Variants in THADA observed in about 807,000 individuals in gnomAD.
The protein encoded by THADA is tRNA (32-2'-O)-methyltransferase regulator THADA.
In THADA, 213 loss-of-function variants were observed where a neutral mutation model predicts 219.8. The observed-to-expected ratio is 0.97, with a 90% CI of 0.87 to 1.09. THADA has a LOEUF of 1.09. Ranked by LOEUF, THADA falls within the 50% of genes least tolerant of loss-of-function variation. THADA has a pLI of 0.00. For missense variants in THADA, 2,956 were observed against 2,311.3 expected, an observed-to-expected ratio of 1.28 and a Z score of -5.72; for synonymous variants, 1,018 against 828.9, an observed-to-expected ratio of 1.23 and a Z score of -3.92.
At chr2:43,318,390 T>G (rs1678314718) in intron 31 of THADA, among the ~76,000 whole-genome samples, 1 of 152,188 alleles carries the variant, frequency 6.6e-6, no homozygotes, top group Admixed American at 6.5e-5. Flanking sequence ...TTAATTTTGA[T>G]AATACATTTT....
chr2:43,411,204 G>T (rs1336431635), intron 28 of THADA, among the ~76,000 whole-genome samples: 1 of 152,214 alleles, frequency 6.6e-6, no homozygotes, highest in Non-Finnish European at 1.5e-5. Context: ...GGCTCACAAA[G>T]GGAATGAATG....
chr2:43,398,285 G>GT, intron 28 of THADA, 146 bp from the exon 29 acceptor site: 1 of 758,110 alleles, frequency 1.3e-6, no homozygotes. Flanking sequence ...ATGATGTTTT[G>GT]TATCTGCACT....
intron 26 of THADA, among the ~76,000 whole-genome samples, chr2:43,435,466 A>AAGGAAGGG (rs1343357547): frequency 8.4e-4 from 120 of 143,100 alleles, no homozygotes; most frequent in Non-Finnish European, 1.5e-3. Flanking sequence ...GGAAGGGAGG[A>AAGGAAGGG]AGGAAGGGAG....
chr2:43,336,705 G>C (rs539224628), intron 30 of THADA, among the ~76,000 whole-genome samples: 1 of 152,136 alleles, frequency 6.6e-6, no homozygotes, highest in Non-Finnish European at 1.5e-5. Context: ...AACTCTGAGG[G>C]TAAGGCCTGG....
intron 29 of THADA, among the ~76,000 whole-genome samples, chr2:43,392,123 A>T (rs1032556703): frequency 1.3e-5 from 2 of 152,198 alleles, no homozygotes; most frequent in African/African-American, 2.4e-5. Context: ...CGCCAAATGG[A>T]ATCTATCAAG....
intron 20 of THADA, among the ~76,000 whole-genome samples, chr2:43,543,586 A>G (rs2103830079): frequency 6.6e-6 from 1 of 152,060 alleles, no homozygotes; most frequent in East Asian, 1.9e-4. Flanking sequence ...GTGAGATGGT[A>G]TCTCATTGTG....
At chr2:43,389,681 C>T (rs1238882510) in intron 29 of THADA, among the ~76,000 whole-genome samples, 1 of 152,168 alleles carries the variant, frequency 6.6e-6, no homozygotes, top group East Asian at 1.9e-4. Context: ...TTACTCACTG[C>T]CTCCTGCAAA....
At chr2:43,249,085 G>A (rs1669552635) in intron 36 of THADA, among the ~76,000 whole-genome samples, 1 of 151,884 alleles carries the variant, frequency 6.6e-6, no homozygotes, top group Non-Finnish European at 1.5e-5. Flanking sequence ...AACAATGGTA[G>A]CCTTCCTTTT....
chr2:43,586,435 G>T lies in THADA; in HGVS notation c.499C>A (p.Gln167Lys). The part of the protein sequence containing the change: ...NLLKNVLHFL[Q>K]KSLIEILEEN... The stretch of plus-strand genomic sequence containing the variant: ...TCCAGGATTTCAATTAAACTCTTCT[G>T]CAGAAAATGAAGCACTGAAACAAAA... The change falls in exon 7 of 38, where the codon CAG becomes AAG. Residue 167 changes from glutamine (Q) to lysine (K), a missense_variant. Physicochemically the swap from Gln to Lys is moderately conservative, Grantham distance 53. Coordinates refer to ENST00000405975, the MANE Select transcript of THADA (RefSeq NM_022065.5). 1 of 1,579,430 alleles carries T rather than the reference G, an allele frequency of 6.3e-7. No individual in the cohort carries two copies. Among genetic ancestry groups the T allele is most frequent in the Non-Finnish European group, 8.6e-7 (1 of 1,163,620 alleles).
chr2:43,469,985 C>A (rs981376497), intron 26 of THADA, among the ~76,000 whole-genome samples: 2 of 151,868 alleles, frequency 1.3e-5, no homozygotes, highest in African/African-American at 4.8e-5. Flanking sequence ...CTGAGGCAGG[C>A]AGATCACTTG....
intron 22 of THADA, among the ~76,000 whole-genome samples, chr2:43,519,819 A>C (rs2103674974): frequency 6.6e-6 from 1 of 152,364 alleles, no homozygotes; most frequent in Non-Finnish European, 1.5e-5. Context: ...AGGTATAAAA[A>C]GCAGGGAGCT....
chr2:43,255,518 T>C, intron 36 of THADA, among the ~76,000 whole-genome samples: 1 of 152,118 alleles, frequency 6.6e-6, no homozygotes, highest in East Asian at 1.9e-4. Context: ...GCTGTGAAGG[T>C]GAAGGATTAA....
At chr2:43,341,631 T>C (rs916421199) in intron 30 of THADA, among the ~76,000 whole-genome samples, 16 of 152,088 alleles carry the variant, frequency 1.1e-4, no homozygotes, top group African/African-American at 3.9e-4. Context: ...AGTAGCAAGC[T>C]AAGGGGGCAG....
At chr2:43,462,592 A>G (rs1683764230) in intron 26 of THADA, among the ~76,000 whole-genome samples, 2 of 152,232 alleles carry the variant, frequency 1.3e-5, no homozygotes, top group African/African-American at 4.8e-5. Context: ...TTAGGGCAAC[A>G]TTTAATTGAA....
chr2:43,446,847 G>C (rs1410955915), intron 26 of THADA, among the ~76,000 whole-genome samples: 2 of 152,152 alleles, frequency 1.3e-5, no homozygotes, highest in Non-Finnish European at 2.9e-5. Context: ...GAAGTCAGAA[G>C]TCTGAAATCA....
intron 28 of THADA, among the ~76,000 whole-genome samples, chr2:43,419,059 C>A (rs1370222730): frequency 6.6e-6 from 1 of 152,156 alleles, no homozygotes; most frequent in Non-Finnish European, 1.5e-5. Context: ...AAGGAGAGGA[C>A]TGTGGGTGGA....
chr2:43,276,099 T>G (rs958299618), intron 36 of THADA, among the ~76,000 whole-genome samples: 1 of 152,212 alleles, frequency 6.6e-6, no homozygotes, highest in Non-Finnish European at 1.5e-5. Flanking sequence ...AGGCAGAGCC[T>G]TGCCTGGAGT....
intron 29 of THADA, among the ~76,000 whole-genome samples, chr2:43,353,695 G>A (rs370855189): frequency 4.0e-5 from 6 of 151,858 alleles, no homozygotes; most frequent in East Asian, 3.8e-4. Context: ...TTGCTCTGTC[G>A]CCCATGCTGG....
chr2:43,586,925 T>C lies in THADA; in HGVS notation c.380A>G (p.Asn127Ser), dbSNP rs757277865. The C allele has an allele frequency of 3.7e-6, 6 of 1,613,746 alleles. No individual in the cohort carries two copies. The highest frequency in any genetic ancestry group is 1.1e-5 in the South Asian group (1 of 91,074). ...CCTGTAAGAGTATAAGTCAGTAGTA[T>C]TCAATTCTTCCTGAAGACGAGAAGT... ...RFTSRLQEEL[N>S]TTDLYSYRKV... is the part of the protein sequence containing the mutation. Residue 127 changes from asparagine (N) to serine (S), a missense_variant, in exon 5 of 38, where the codon AAT (asparagine) becomes AGT (serine). By Grantham distance (46) the Asn-to-Ser change is conservative (BLOSUM62 1). Transcript: ENST00000405975.
Sources: allele counts gnomAD v4.1 joint callset (sites outside exome capture counted in the v4.1 genomes callset), GRCh38; gene constraint gnomAD v4.1.1; transcripts MANE v1.5; gene names NCBI Gene and HGNC (gene_info 2026-07-23, HGNC 2026-07-21).